The following MYRIP variants were observed in gnomAD, a reference collection of about 807,000 sequenced individuals.
The protein encoded by MYRIP is myosin VIIA and Rab interacting protein.
Under a neutral mutation model 98.0 loss-of-function variants are expected in MYRIP, and 49 were observed. The ratio of observed to expected loss-of-function variants is 0.50; its 90% confidence interval spans 0.40 to 0.63. The LOEUF is 0.63. Among genes scored for constraint, MYRIP ranks in the 30% least tolerant of loss-of-function variants. The pLI, the probability that MYRIP is intolerant of heterozygous loss-of-function variation, is 0.00. For synonymous variants in MYRIP, 404 were observed against 409.5 expected, an observed-to-expected ratio of 0.99 and a Z score of 0.16; for missense variants, 1,004 against 1,058.2, an observed-to-expected ratio of 0.95 and a Z score of 0.71.
chr3:40,010,065 G>A (rs1946726630), intron 2 of MYRIP, among the ~76,000 whole-genome samples: 1 of 152,230 alleles, frequency 6.6e-6, no homozygotes, highest in South Asian at 2.1e-4. Context: ...GAGGGTCCTA[G>A]GCAGATGGCC....
At chr3:40,066,767 A>G (rs891511549) in intron 3 of MYRIP, among the ~76,000 whole-genome samples, 1 of 152,216 alleles carries the variant, frequency 6.6e-6, no homozygotes, top group Non-Finnish European at 1.5e-5. Flanking sequence ...TTATAGGAGC[A>G]AATGAATGAT....
chr3:40,100,334 T>C, intron 3 of MYRIP: 1 of 905,552 alleles, frequency 1.1e-6, no homozygotes, highest in South Asian at 5.1e-5. Flanking sequence ...TCCTTTATTA[T>C]ACATTGCCTG....
At chr3:39,859,176 T>C (rs1942390593) in intron 1 of MYRIP, among the ~76,000 whole-genome samples, 1 of 141,636 alleles carries the variant, frequency 7.1e-6, no homozygotes, top group Admixed American at 7.1e-5. Flanking sequence ...CTTGAGTAAA[T>C]AAAACTCTAA....
intron 11 of MYRIP, among the ~76,000 whole-genome samples, chr3:40,212,436 A>G (rs951044114): frequency 2.6e-5 from 4 of 151,908 alleles, no homozygotes; most frequent in African/African-American, 7.2e-5. Flanking sequence ...ATTTAAAAAC[A>G]GAAAAGTTTT....
At chr3:39,990,593 C>T (rs1429549688) in intron 2 of MYRIP, among the ~76,000 whole-genome samples, 4 of 152,306 alleles carry the variant, frequency 2.6e-5, no homozygotes, top group Admixed American at 2.0e-4. Context: ...ATTGTTGTTA[C>T]ATTAGGCCAC....
intron 1 of MYRIP, among the ~76,000 whole-genome samples, chr3:39,856,868 G>A (rs1942311353): frequency 6.6e-6 from 1 of 152,140 alleles, no homozygotes; most frequent in Non-Finnish European, 1.5e-5. Flanking sequence ...AAGAATCAAG[G>A]AAACGCGGCA....
intron 3 of MYRIP, among the ~76,000 whole-genome samples, chr3:40,136,672 A>AT (rs1949780649): frequency 6.6e-6 from 1 of 152,092 alleles, no homozygotes; most frequent in Admixed American, 6.6e-5. Context: ...AACAGAAATT[A>AT]TAACAAACTG....
chr3:40,219,655 G>A lies in MYRIP; in HGVS notation c.1905+9562G>A, dbSNP rs1952265077. Among the ~76,000 whole-genome samples, 4 of 152,210 alleles carry A rather than the reference G, an allele frequency of 2.6e-5. No individual in the cohort carries two copies. The South Asian group carries it at 8.3e-4, about 32-fold the overall frequency. On this transcript the variant is annotated intron_variant, in intron 11 of 16. Coordinates refer to ENST00000302541, the MANE Select transcript of MYRIP (RefSeq NM_015460.4). The stretch of plus-strand genomic sequence containing the variant: ...CAGCTTCATCCATGTCCCTACAAAG[G>A]AAATGAACTCATCATTTTTTATGGC...
chr3:39,967,106 C>A (rs1377544340), intron 2 of MYRIP, among the ~76,000 whole-genome samples: 1 of 152,178 alleles, frequency 6.6e-6, no homozygotes, highest in Non-Finnish European at 1.5e-5. Flanking sequence ...ATGTAAATTA[C>A]TCTTTTTTTA....
chr3:39,953,072 C>A (rs1156632166), intron 2 of MYRIP, among the ~76,000 whole-genome samples: 1 of 152,082 alleles, frequency 6.6e-6, no homozygotes, highest in African/African-American at 2.4e-5. Flanking sequence ...GACAATGCCC[C>A]GGGGCATGAG....
chr3:39,866,314 T>C (rs56941249), intron 1 of MYRIP, among the ~76,000 whole-genome samples: 2,695 of 152,080 alleles, frequency 0.018, 80 homozygotes, highest in African/African-American at 0.061. Flanking sequence ...CAAACCTACA[T>C]ATATACCCCT....
At chr3:40,250,177 T>C (rs1405383942) in intron 13 of MYRIP, 45 bp from the exon 14 acceptor site, 1 of 1,463,910 alleles carries the variant, frequency 6.8e-7, no homozygotes, top group Admixed American at 1.7e-5. Context: ...TATTTTCCCC[T>C]TCCGTATTTT....
chr3:39,940,779 A>C (rs930156054), intron 2 of MYRIP, among the ~76,000 whole-genome samples: 2 of 151,960 alleles, frequency 1.3e-5, no homozygotes, highest in Admixed American at 6.6e-5. Context: ...GTTTATTGAA[A>C]TTAATTTCTT....
chr3:39,938,991 T>C (rs1944720871), intron 2 of MYRIP, among the ~76,000 whole-genome samples: 1 of 152,156 alleles, frequency 6.6e-6, no homozygotes, highest in Non-Finnish European at 1.5e-5. Context: ...AGATGCTTCA[T>C]TTCCTGAGTG....
chr3:40,070,842 C>T (rs1948209912), intron 3 of MYRIP, among the ~76,000 whole-genome samples: 1 of 152,196 alleles, frequency 6.6e-6, no homozygotes, highest in African/African-American at 2.4e-5. Context: ...TGTCCTTTAA[C>T]ATCCTTACAT....
intron 1 of MYRIP, among the ~76,000 whole-genome samples, chr3:39,842,016 C>T (rs1025626898): frequency 4.4e-4 from 67 of 152,282 alleles, no homozygotes; most frequent in African/African-American, 1.4e-3. Flanking sequence ...TCTTCAGAGC[C>T]GGCAGGCAGG....
intron 11 of MYRIP, among the ~76,000 whole-genome samples, chr3:40,223,656 A>C (rs1282795984): frequency 6.6e-6 from 1 of 152,212 alleles, no homozygotes; most frequent in African/African-American, 2.4e-5. Context: ...GGAGACAGAG[A>C]GATGTTGAAC....
At chr3:40,022,240 C>A (rs1176830416) in intron 2 of MYRIP, among the ~76,000 whole-genome samples, 1 of 152,168 alleles carries the variant, frequency 6.6e-6, no homozygotes, top group Non-Finnish European at 1.5e-5. Flanking sequence ...TCCTGTCCTC[C>A]TCTTTAAGGA....
intron 2 of MYRIP, among the ~76,000 whole-genome samples, chr3:39,981,038 G>A (rs1945881470): frequency 1.3e-5 from 2 of 152,118 alleles, no homozygotes; most frequent in South Asian, 4.1e-4. Context: ...AGTTAAGGTG[G>A]TAAATTTTAT....
Sources: gnomAD v4.1 joint callset for allele counts (sites outside exome capture counted in the v4.1 genomes callset) on GRCh38, gnomAD v4.1.1 for gene constraint, MANE v1.5 for transcripts, NCBI Gene and HGNC (gene_info 2026-07-23, HGNC 2026-07-21) for gene names.